The following PALM2AKAP2 variants were observed in gnomAD, a reference collection of about 807,000 sequenced individuals.
The protein encoded by PALM2AKAP2 is PALM2 and AKAP2 fusion, also known as PALM2-AKAP2 fusion protein.
PALM2AKAP2 carries 37 observed loss-of-function variants against 71.5 expected under a neutral mutation model. The observed-to-expected ratio is 0.52, with a 90% CI of 0.40 to 0.68. The LOEUF is 0.68. PALM2AKAP2 is among the 30% of genes least tolerant of loss of function. The pLI is 0.00. For missense variants in PALM2AKAP2, 1,224 were observed against 1,191.8 expected (o/e 1.03, Z -0.40); for synonymous variants, 468 against 478.8 (o/e 0.98, Z 0.29).
At chr9:109,865,229 T>A (rs942757838) in intron 1 of PALM2AKAP2, among the ~76,000 whole-genome samples, 12 of 149,216 alleles carry the variant, frequency 8.0e-5, no homozygotes, top group African/African-American at 2.5e-4. Context: ...CTCCCAAGTA[T>A]CTGGGATTAC....
At chr9:109,814,404 T>C (rs1827802102) in intron 1 of PALM2AKAP2, among the ~76,000 whole-genome samples, 1 of 152,216 alleles carries the variant, frequency 6.6e-6, no homozygotes, top group South Asian at 2.1e-4. Context: ...GCCTGAACGA[T>C]TGTGGCAGGA....
chr9:110,158,079 G>A (rs574647291), intron 3 of PALM2AKAP2, among the ~76,000 whole-genome samples: 2 of 152,300 alleles, frequency 1.3e-5, no homozygotes, highest in South Asian at 4.1e-4. Context: ...GGTAGCTGCT[G>A]CAGACATTTC....
chr9:109,719,479 T>A (rs1278650573), intron 1 of PALM2AKAP2, among the ~76,000 whole-genome samples: 1 of 152,222 alleles, frequency 6.6e-6, no homozygotes, highest in Non-Finnish European at 1.5e-5. Context: ...TTCTAGATTC[T>A]GATTCCATAA....
At chr9:109,920,225 T>A (rs1415809382) in intron 3 of PALM2AKAP2, among the ~76,000 whole-genome samples, 15 of 152,116 alleles carry the variant, frequency 9.9e-5, no homozygotes, top group Admixed American at 9.8e-4. Context: ...CTGCGGCCAG[T>A]GCCAAGGGAC....
intron 1 of PALM2AKAP2, among the ~76,000 whole-genome samples, chr9:109,677,015 C>A (rs1424653839): frequency 6.6e-6 from 1 of 151,934 alleles, no homozygotes; most frequent in Non-Finnish European, 1.5e-5. Context: ...CATGAGAGGG[C>A]CGAAATAAGG....
intron 1 of PALM2AKAP2, among the ~76,000 whole-genome samples, chr9:109,702,195 G>T (rs1828071583): frequency 6.6e-6 from 1 of 151,994 alleles, no homozygotes; most frequent in Non-Finnish European, 1.5e-5. Flanking sequence ...ATTCCTCAGG[G>T]ATCTAGAACT....
At chr9:109,814,713 A>G (rs1183313186) in intron 1 of PALM2AKAP2, among the ~76,000 whole-genome samples, 1 of 152,236 alleles carries the variant, frequency 6.6e-6, no homozygotes, top group African/African-American at 2.4e-5. Context: ...CAAACCAGTA[A>G]GTGGCAATTT....
rs139269448 is a variant in PALM2AKAP2 at position 110,107,075 on chromosome 9, T to C, written c.157-29052T>C. Reference sequence around the variant, plus strand: ...ACTGATTGACATTATCTATTGGGGATATATTCTTATGGGAGACTTACTCTC... The same window carrying C: ...ACTGATTGACATTATCTATTGGGGACATATTCTTATGGGAGACTTACTCTC... On this transcript the variant is annotated intron_variant, in intron 1 of 3. Transcript: ENST00000374525. Among the ~76,000 whole-genome samples, 677 of 152,360 alleles carry C rather than the reference T, an allele frequency of 4.4e-3. 2 individuals are homozygous for C. Among genetic ancestry groups the C allele is most frequent in the Non-Finnish European group, 7.1e-3 (482 of 68,042 alleles).
chr9:109,668,745 T>A (rs1389172821), intron 1 of PALM2AKAP2, among the ~76,000 whole-genome samples: 1 of 152,196 alleles, frequency 6.6e-6, no homozygotes, highest in African/African-American at 2.4e-5. Context: ...CCAGAGAGTG[T>A]TGTGATTTCA....
At chr9:110,077,530 C>G (rs1262390596) in intron 1 of PALM2AKAP2, among the ~76,000 whole-genome samples, 1 of 152,044 alleles carries the variant, frequency 6.6e-6, no homozygotes, top group African/African-American at 2.4e-5. Context: ...ATTAATCTCA[C>G]GTCTCTGACT....
chr9:109,943,441 C>G (rs936172969), intron 6 of PALM2AKAP2: 31 of 1,592,914 alleles, frequency 1.9e-5, no homozygotes, highest in Non-Finnish European at 2.5e-5. Context: ...TCTTTCTTCT[C>G]CTTTCTTCTG....
At chr9:109,897,039 G>T (rs774904911) in intron 3 of PALM2AKAP2, among the ~76,000 whole-genome samples, 5 of 152,106 alleles carry the variant, frequency 3.3e-5, no homozygotes, top group Non-Finnish European at 5.9e-5. Flanking sequence ...GGAAAATGTG[G>T]ATTTTTCCAT....
chr9:109,787,289 G>A (rs1218857188), intron 1 of PALM2AKAP2, among the ~76,000 whole-genome samples: 3 of 152,232 alleles, frequency 2.0e-5, no homozygotes, highest in Non-Finnish European at 4.4e-5. Flanking sequence ...CTCAGAGACA[G>A]CATGCATTAA....
chr9:109,810,287 A>G (rs1363884161), intron 1 of PALM2AKAP2, among the ~76,000 whole-genome samples: 3 of 152,164 alleles, frequency 2.0e-5, no homozygotes, highest in Admixed American at 6.5e-5. Context: ...GTAGGTAGAG[A>G]AGAGGTCTGA....
At chr9:109,783,490 G>A (rs1319838459) in intron 1 of PALM2AKAP2, among the ~76,000 whole-genome samples, 1 of 151,862 alleles carries the variant, frequency 6.6e-6, no homozygotes, top group Non-Finnish European at 1.5e-5. Flanking sequence ...GTAGAGATGG[G>A]GTTTCGCCAT....
chr9:109,923,710 T>C, intron 3 of PALM2AKAP2, 25 bp from the exon 4 acceptor site: 1 of 1,569,820 alleles, frequency 6.4e-7, no homozygotes. Flanking sequence ...TAAAGTAACT[T>C]GTCCTTTGTT....
At chr9:110,165,028 G>A (rs1836700759) in intron 3 of PALM2AKAP2, among the ~76,000 whole-genome samples, 1 of 152,036 alleles carries the variant, frequency 6.6e-6, no homozygotes, top group Non-Finnish European at 1.5e-5. Context: ...TGCTAACTGG[G>A]TAATTCTGGG....
chr9:109,942,691 T>A (rs1369549276), intron 6 of PALM2AKAP2: 5 of 1,581,618 alleles, frequency 3.2e-6, no homozygotes, highest in Non-Finnish European at 4.3e-6. Flanking sequence ...TCAAGCTGTG[T>A]ACGCCATGGA....
chr9:110,166,804 A>G (rs1836747039), intron 3 of PALM2AKAP2, among the ~76,000 whole-genome samples: 1 of 152,138 alleles, frequency 6.6e-6, no homozygotes, highest in South Asian at 2.1e-4. Context: ...TCTCCCATCT[A>G]CCCACAATCT....
Sources: gnomAD v4.1 joint callset for allele counts (sites outside exome capture counted in the v4.1 genomes callset) on GRCh38, gnomAD v4.1.1 for gene constraint, MANE v1.5 for transcripts, NCBI Gene and HGNC (gene_info 2026-07-23, HGNC 2026-07-21) for gene names.